YTHDF2: variants seen among roughly 807,000 people sequenced by gnomAD.
YTHDF2 encodes YTH N6-methyladenosine RNA binding protein F2.
YTHDF2 carries 2 observed loss-of-function variants against 50.4 expected under a neutral mutation model. The ratio of observed to expected loss-of-function variants is 0.04; its 90% CI spans 0.02 to 0.12. The LOEUF (loss-of-function observed/expected upper bound fraction) is 0.12. Ranked by LOEUF, YTHDF2 falls within the 10% of genes least tolerant of loss-of-function variation. The pLI is 1.00. For missense variants in YTHDF2, 483 were observed against 722.6 expected (o/e 0.67, Z 3.80); for synonymous variants, 217 against 255.6 (o/e 0.85, Z 1.44).
intron 2 of YTHDF2, 58 bp downstream of exon 2, chr1:28,737,740 C>CG: frequency 7.6e-6 from 10 of 1,321,662 alleles, no homozygotes; most frequent in Non-Finnish European, 9.6e-6. Context: ...GCGGTGGGGG[C>CG]GGGGTCTCCG....
chr1:28,765,038 C>T (rs891074573), intron 4 of YTHDF2, among the ~76,000 whole-genome samples: 4 of 151,952 alleles, frequency 2.6e-5, no homozygotes, highest in Non-Finnish European at 5.9e-5. Context: ...GCCCTCTGTT[C>T]CTGGTTTAAA....
rs1231009787 is a variant in YTHDF2, at chr1:28,738,350, A to T, written c.132+12A>T. 6.2e-7 allele frequency: 1 copy of T among 1,603,212 alleles called. No homozygotes were observed. The highest frequency in any genetic ancestry group is 8.5e-7 in the Non-Finnish European group (1 of 1,170,230). ...CACAGGCAAGGCCCGTGAGTAGTTA[A>T]CTATTTACATATCTAATCGAAGGGT... On this transcript the variant is annotated intron_variant, in intron 3 of 4. Transcript: ENST00000373812.
chr1:28,736,870 G>C, upstream of YTHDF2: 1 of 436,274 alleles, frequency 2.3e-6, no homozygotes, highest in Non-Finnish European at 4.1e-6. Context: ...GCTGTTCGGC[G>C]CTCTGCTTTA....
chr1:28,737,046 G>C lies in YTHDF2; in HGVS notation c.-75G>C. ...ACAAAAGCCTCCGCCTGCTCCCGCAGACGGGGCTCATCTGCCGCCGCCGCC... is the reference window on the plus strand; with the variant it reads ...ACAAAAGCCTCCGCCTGCTCCCGCACACGGGGCTCATCTGCCGCCGCCGCC... On this transcript the variant is annotated 5_prime_UTR_variant, in exon 1 of 5. Transcript: ENST00000373812. 1 of 1,539,484 alleles carries C rather than the reference G, an allele frequency of 6.5e-7. No homozygotes were observed. The highest frequency in any genetic ancestry group is 8.8e-7 in the Non-Finnish European group (1 of 1,141,498).
intron 4 of YTHDF2, among the ~76,000 whole-genome samples, chr1:28,764,735 GT>G (rs2088191566): frequency 6.6e-6 from 1 of 152,052 alleles, no homozygotes; most frequent in Non-Finnish European, 1.5e-5. Context: ...TAGAGATGGG[GT>G]TTTGCCATGT....
intron 4 of YTHDF2, among the ~76,000 whole-genome samples, chr1:28,751,315 T>C (rs2087948962): frequency 6.6e-6 from 1 of 152,108 alleles, no homozygotes; most frequent in African/African-American, 2.4e-5. Flanking sequence ...GAGCTAAATA[T>C]ATTAAATCCT....
intron 3 of YTHDF2, 94 bp downstream of exon 3, chr1:28,738,432 TTTTTTTC>T (rs2087728224): frequency 2.6e-6 from 3 of 1,161,452 alleles, no homozygotes; most frequent in Admixed American, 2.4e-5. Flanking sequence ...AGGATTCATT[TTTTTTTC>T]TTTTTTCTGT....
intron 4 of YTHDF2, among the ~76,000 whole-genome samples, chr1:28,749,230 C>T (rs544733959): frequency 1.0e-3 from 142 of 135,446 alleles, no homozygotes; most frequent in African/African-American, 3.7e-3. Context: ...CTCGCTCTGT[C>T]GTCCAGGCGG....
At chr1:28,746,594 A>C (rs374955325) in intron 4 of YTHDF2, among the ~76,000 whole-genome samples, 2,631 of 48,032 alleles carry the variant, frequency 0.055, 36 homozygotes, top group Non-Finnish European at 0.08. Flanking sequence ...AAAATACTAC[A>C]AAAAAAAAAA....
intron 4 of YTHDF2, among the ~76,000 whole-genome samples, chr1:28,745,229 T>C (rs2087840277): frequency 1.3e-5 from 2 of 152,154 alleles, no homozygotes; most frequent in South Asian, 4.1e-4. Context: ...GGTACAATCT[T>C]CTTGGAGGTA....
At chr1:28,740,708 ATTTAT>A (rs2087762410) in intron 3 of YTHDF2, among the ~76,000 whole-genome samples, 1 of 151,952 alleles carries the variant, frequency 6.6e-6, no homozygotes, top group African/African-American at 2.4e-5. Context: ...TGTATTATTT[ATTTAT>A]TTATTTTTGA....
intron 4 of YTHDF2, among the ~76,000 whole-genome samples, chr1:28,766,695 G>T (rs2088223565): frequency 6.6e-6 from 1 of 152,038 alleles, no homozygotes; most frequent in African/African-American, 2.4e-5. Context: ...CTTGATTCAG[G>T]TATTACTATG....
intron 3 of YTHDF2, among the ~76,000 whole-genome samples, chr1:28,738,900 A>G (rs1004655292): frequency 2.0e-5 from 3 of 152,244 alleles, no homozygotes; most frequent in South Asian, 2.1e-4. Flanking sequence ...ATCAGCAACC[A>G]TACTGTATTG....
intron 3 of YTHDF2, 39 bp from the exon 4 acceptor site, chr1:28,742,364 T>A: frequency 5.9e-6 from 9 of 1,523,000 alleles, no homozygotes; most frequent in Non-Finnish European, 7.9e-6. Context: ...CTGATGTTAA[T>A]TTTTTGTGTT....
chr1:28,768,997 C>T lies in YTHDF2; in HGVS notation c.*45C>T, dbSNP rs377492480. The T allele has an allele frequency of 8.8e-5, 132 of 1,502,590 alleles. No individual in the cohort carries two copies. The East Asian group carries it at 1.9e-3, about 22-fold the overall frequency. The allele number at this position is 1,502,590 out of a possible 1,614,324, so 93.1% of individuals were successfully genotyped here. On this transcript the variant is annotated 3_prime_UTR_variant, in exon 5 of 5. Transcript: ENST00000373812. ...TGCAGCAACGGTTGCATCTGCATATCCTAAGAGGAAAAAATGACCTTCAAG... is the reference window on the plus strand; with the variant it reads ...TGCAGCAACGGTTGCATCTGCATATTCTAAGAGGAAAAAATGACCTTCAAG...
intron 3 of YTHDF2, among the ~76,000 whole-genome samples, chr1:28,741,879 T>C (rs1476752234): frequency 6.6e-6 from 1 of 152,224 alleles, no homozygotes; most frequent in Non-Finnish European, 1.5e-5. Flanking sequence ...AAACAGTTTG[T>C]GAAATGCTAA....
intron 4 of YTHDF2, among the ~76,000 whole-genome samples, chr1:28,762,309 A>G (rs1177438861): frequency 6.6e-6 from 1 of 152,014 alleles, no homozygotes; most frequent in Non-Finnish European, 1.5e-5. Context: ...GGAGAATGGC[A>G]TGAACCCGGG....
chr1:28,737,787 T>C, intron 2 of YTHDF2, 105 bp downstream of exon 2: 4 of 1,409,958 alleles, frequency 2.8e-6, no homozygotes, highest in Non-Finnish European at 3.9e-6. Context: ...CGGAAGCCGC[T>C]TAGTTCGCAG....
chr1:28,738,351 C>T lies in YTHDF2; in HGVS notation c.132+13C>T. The T allele has an allele frequency of 6.2e-7, 1 of 1,601,056 alleles. No individual in the cohort carries two copies. Among genetic ancestry groups the T allele is most frequent in the Non-Finnish European group, 8.6e-7 (1 of 1,168,160 alleles). ...ACAGGCAAGGCCCGTGAGTAGTTAA[C>T]TATTTACATATCTAATCGAAGGGTG... On this transcript the variant is annotated intron_variant, in intron 3 of 4. Coordinates refer to ENST00000373812, the MANE Select transcript of YTHDF2 (RefSeq NM_016258.3).
Sources: allele counts gnomAD v4.1 joint callset (sites outside exome capture counted in the v4.1 genomes callset), GRCh38; gene constraint gnomAD v4.1.1; transcripts MANE v1.5; gene names NCBI Gene and HGNC (gene_info 2026-07-23, HGNC 2026-07-21).